The following PCBP3 variants were observed in gnomAD, a reference collection of about 807,000 sequenced individuals.
PCBP3 encodes poly(rC)-binding protein 3.
Under a neutral mutation model 52.7 loss-of-function variants are expected in PCBP3, and 25 were observed. The observed-to-expected ratio is 0.47, with a 90% CI of 0.35 to 0.66. The LOEUF (loss-of-function observed/expected upper bound fraction) is 0.66. PCBP3 is among the 30% of genes least tolerant of loss of function. The pLI is 0.01. For synonymous variants in PCBP3, 162 were observed against 183.0 expected, an observed-to-expected ratio of 0.89 and a Z score of 0.93; for missense variants, 391 against 490.3, an observed-to-expected ratio of 0.80 and a Z score of 1.91.
chr21:45,796,446 ACTTC>A (rs1386314596), intron 4 of PCBP3, among the ~76,000 whole-genome samples: 1 of 151,990 alleles, frequency 6.6e-6, no homozygotes, highest in Admixed American at 6.5e-5. Flanking sequence ...ATGTGTTTGC[ACTTC>A]CTTGTCTGTC....
At chr21:45,742,914 T>C (rs1394889883) in intron 3 of PCBP3, among the ~76,000 whole-genome samples, 2 of 152,210 alleles carry the variant, frequency 1.3e-5, no homozygotes, top group East Asian at 1.9e-4. Context: ...ACCTACTTTC[T>C]AAATGAACTT....
At position 45,917,883 on chromosome 21, in the gene PCBP3, T is replaced by C; in HGVS notation, c.717+254T>C. 1.9e-6 allele frequency: 1 copy of C among 518,208 alleles called. No homozygotes were observed. Among genetic ancestry groups the C allele is most frequent in the East Asian group, 3.7e-5 (1 of 26,810 alleles). 32.1% of individuals were successfully genotyped at this position (518,208 alleles called of 1,614,324 possible). ...TGCCGCAGTCCTGGGTTTTCCTCCC[T>C]CCCACGGGGCCTGGGAGGGAACTGA... On this transcript the variant is annotated intron_variant, in intron 13 of 17. Coordinates refer to ENST00000681687, the MANE Select transcript of PCBP3 (RefSeq NM_001384156.1). The surrounding 1 kb of genome is among the most constrained non-coding windows in gnomAD (Gnocchi z 5.3).
intron 4 of PCBP3, among the ~76,000 whole-genome samples, chr21:45,847,367 TAAG>T (rs1438641965): frequency 6.6e-6 from 1 of 152,240 alleles, no homozygotes; most frequent in Non-Finnish European, 1.5e-5. Context: ...TGCTTCCCGA[TAAG>T]AAGCTGTTTC....
At chr21:45,838,096 A>G (rs1189320890) in intron 4 of PCBP3, among the ~76,000 whole-genome samples, 1 of 152,204 alleles carries the variant, frequency 6.6e-6, no homozygotes, top group Non-Finnish European at 1.5e-5. Flanking sequence ...CACTGCGATG[A>G]GTTGGTTTCT....
intron 4 of PCBP3, among the ~76,000 whole-genome samples, chr21:45,820,421 G>A (rs575862299): frequency 1.3e-5 from 2 of 152,360 alleles, no homozygotes; most frequent in South Asian, 2.1e-4. Flanking sequence ...CGCAGTGTTG[G>A]CACTTCAGCT....
rs1440157998 is a variant in PCBP3 at position 45,817,362 on chromosome 21, C to G, written c.-125-32599C>G. Reference sequence around the variant, plus strand: ...CCACATGACATTTAGCGTGTCTGTTCACCTCATACTCCCCAGTAGTTCTGT... The same window carrying G: ...CCACATGACATTTAGCGTGTCTGTTGACCTCATACTCCCCAGTAGTTCTGT... On this transcript the variant is annotated intron_variant, in intron 4 of 17. Transcript: ENST00000681687. The surrounding 1 kb of genome is among the most constrained non-coding windows in gnomAD (Gnocchi z 4.3). 6.6e-6 allele frequency among the ~76,000 whole-genome samples: 1 copy of G among 152,160 alleles called. No homozygotes were observed. Among genetic ancestry groups the G allele is most frequent in the Non-Finnish European group, 1.5e-5 (1 of 68,022 alleles).
At chr21:45,719,161 T>C (rs1012039039) in intron 2 of PCBP3, among the ~76,000 whole-genome samples, 1 of 152,170 alleles carries the variant, frequency 6.6e-6, no homozygotes, top group Non-Finnish European at 1.5e-5. Flanking sequence ...TGTATCTGGC[T>C]GACCGTTCGT....
chr21:45,893,846 T>C, intron 5 of PCBP3: 1 of 985,414 alleles, frequency 1.0e-6, no homozygotes, highest in South Asian at 4.7e-5. Flanking sequence ...GGGCCTTGGA[T>C]GCCAGTGGTC....
intron 2 of PCBP3, among the ~76,000 whole-genome samples, chr21:45,696,073 C>CTGT (rs1555907770): frequency 1.0e-5 from 1 of 96,674 alleles, no homozygotes; most frequent in Non-Finnish European, 1.9e-5. Context: ...GAGCAAGACT[C>CTGT]TGTCTCAAAA....
At chr21:45,784,586 G>C (rs950326817) in intron 4 of PCBP3, among the ~76,000 whole-genome samples, 62 of 151,758 alleles carry the variant, frequency 4.1e-4, no homozygotes, top group African/African-American at 1.4e-3. Flanking sequence ...TCAGCCTGCC[G>C]AGTGCCTGCA....
chr21:45,882,458 T>G (rs1038134275), intron 5 of PCBP3, among the ~76,000 whole-genome samples: 1 of 152,048 alleles, frequency 6.6e-6, no homozygotes, highest in South Asian at 2.1e-4. Context: ...TGGTTTGCAG[T>G]TTTTTTTCCA....
intron 1 of PCBP3, among the ~76,000 whole-genome samples, chr21:45,652,948 T>C (rs1228097604): frequency 6.6e-6 from 1 of 152,230 alleles, no homozygotes; most frequent in Admixed American, 6.5e-5. Context: ...TCATACAAAG[T>C]TTGATCTAAG....
At chr21:45,782,949 T>A (rs560619185) in intron 4 of PCBP3, among the ~76,000 whole-genome samples, 5 of 152,262 alleles carry the variant, frequency 3.3e-5, no homozygotes, top group Non-Finnish European at 7.3e-5. Context: ...CTTTGCTGAC[T>A]GATGCCATTC....
At chr21:45,723,995 T>C (rs550001152) in intron 2 of PCBP3, among the ~76,000 whole-genome samples, 84 of 152,332 alleles carry the variant, frequency 5.5e-4, no homozygotes, top group African/African-American at 1.8e-3. Flanking sequence ...CTGTTTTAAA[T>C]TCTAGCTCCC....
intron 4 of PCBP3, among the ~76,000 whole-genome samples, chr21:45,833,227 T>C (rs1466217714): frequency 6.6e-6 from 1 of 152,212 alleles, no homozygotes; most frequent in African/African-American, 2.4e-5. Flanking sequence ...TGTTACATAG[T>C]AACTGTGGGG....
chr21:45,925,950 G>A (rs780535669), intron 13 of PCBP3, among the ~76,000 whole-genome samples: 8 of 152,224 alleles, frequency 5.3e-5, no homozygotes, highest in East Asian at 3.8e-4. Context: ...TGATCCTGAC[G>A]TGATTGCCGT....
At chr21:45,879,141 A>G (rs1414472022) in intron 5 of PCBP3, among the ~76,000 whole-genome samples, 1 of 151,676 alleles carries the variant, frequency 6.6e-6, no homozygotes. Flanking sequence ...CAGCCACCAC[A>G]CCTGGCTAAT....
At chr21:45,714,137 A>G (rs796339960) in intron 2 of PCBP3, among the ~76,000 whole-genome samples, 5 of 152,112 alleles carry the variant, frequency 3.3e-5, no homozygotes, top group African/African-American at 9.6e-5. Context: ...TTGCGCCTCC[A>G]TTTCCCTCAC....
chr21:45,781,764 C>G (rs11911599), intron 4 of PCBP3, among the ~76,000 whole-genome samples: 1,726 of 152,280 alleles, frequency 0.011, 48 homozygotes, highest in African/African-American at 0.039. Flanking sequence ...TAATGGAATA[C>G]TGAGTGAAGT....
Sources: allele counts gnomAD v4.1 joint callset (sites outside exome capture counted in the v4.1 genomes callset), GRCh38; gene constraint gnomAD v4.1.1; non-coding constraint Gnocchi (gnomAD v3.1); transcripts MANE v1.5; gene names NCBI Gene and HGNC (gene_info 2026-07-23, HGNC 2026-07-21).